Variants in CASZ1 observed in about 807,000 individuals in gnomAD.
The protein encoded by CASZ1 is castor zinc finger 1.
A neutral mutation model predicts 135.2 loss-of-function variants in CASZ1; 28 were observed. The ratio of observed to expected loss-of-function variants is 0.21; its 90% CI spans 0.15 to 0.28. The LOEUF (loss-of-function observed/expected upper bound fraction) is 0.28. CASZ1 is among the 10% of genes least tolerant of loss of function. The pLI is 1.00. For synonymous variants in CASZ1, 1,068 were observed against 1,073.4 expected (o/e 0.99, Z 0.10); for missense variants, 2,161 against 2,453.3 (o/e 0.88, Z 2.52).
chr1:10,701,991 C>T lies in CASZ1; in HGVS notation c.-24+3501G>A, dbSNP rs140464495. Among the ~76,000 whole-genome samples, 565 of 152,366 alleles carry T rather than the reference C, an allele frequency of 3.7e-3. 4 individuals carry two copies. Among genetic ancestry groups the T allele is most frequent in the African/African-American group, 0.013 (547 of 41,592 alleles). ...GCTTCCGGCCCCGCTGCCTGGGCGG[C>T]GTCTGTCTTCCTTTGCGGACAGCAG... On this transcript the variant is annotated intron_variant, in intron 3 of 20. Transcript: ENST00000377022. This position sits in a 1 kb window ranked among gnomAD's most constrained non-coding sequence, Gnocchi z 6.3.
rs189855662 is a variant in CASZ1, at chr1:10,672,793, T to C, written c.17-7222A>G. Among the ~76,000 whole-genome samples, 370 of 152,300 alleles carry C rather than the reference T, an allele frequency of 2.4e-3. 2 individuals are homozygous for C. Among genetic ancestry groups the C allele is most frequent in the African/African-American group, 8.3e-3 (345 of 41,566 alleles). ...ACTCCCCACTCCAGTCTCCAGGATG[T>C]GTGGGTGACATTCCACGCCTGCGAG... On this transcript the variant is annotated intron_variant, in intron 4 of 20. Coordinates refer to ENST00000377022, the MANE Select transcript of CASZ1 (RefSeq NM_001079843.3).
intron 1 of CASZ1, among the ~76,000 whole-genome samples, chr1:10,790,161 C>G (rs910100166): frequency 6.6e-6 from 1 of 152,168 alleles, no homozygotes; most frequent in Non-Finnish European, 1.5e-5. Context: ...TGACTTCTGG[C>G]CATCTGGGAC....
chr1:10,648,167 T>C (rs1642435110), intron 15 of CASZ1, 28 bp from the exon 16 acceptor site: 1 of 1,438,300 alleles, frequency 7.0e-7, no homozygotes, highest in South Asian at 1.4e-5. Flanking sequence ...GGGGGTCTCA[T>C]GGGGGGCAGT....
At position 10,660,089 on chromosome 1, in the gene CASZ1, T is replaced by C; in HGVS notation, c.953A>G (p.Lys318Arg). The C allele has an allele frequency of 6.2e-7, 1 of 1,614,086 alleles. No homozygotes were observed. Among genetic ancestry groups the C allele is most frequent in the Non-Finnish European group, 8.5e-7 (1 of 1,179,994 alleles). The stretch of plus-strand genomic sequence containing the variant: ...CCGCAGATTCTCGCCGGTCTTCAGT[T>C]TTTGGATGAAGAAGTCGTACTTGGA... ...RASKYDFFIQ[K>R]LKTGENLRPQ... is the part of the protein sequence containing the mutation. Residue 318 changes from lysine (K) to arginine (R), a missense_variant, in exon 6 of 21, where the codon AAA becomes AGA. Coordinates refer to ENST00000377022, the MANE Select transcript of CASZ1 (RefSeq NM_001079843.3).
chr1:10,784,539 C>T (rs913637645), intron 1 of CASZ1, among the ~76,000 whole-genome samples: 1 of 152,170 alleles, frequency 6.6e-6, no homozygotes, highest in Non-Finnish European at 1.5e-5. Flanking sequence ...CTCCCTACCT[C>T]CCAGCCCAAG....
rs555913443 is a variant in CASZ1, at chr1:10,667,857, C to A, written c.17-2286G>T. Among the ~76,000 whole-genome samples, 256 of 151,834 alleles carry A rather than the reference C, an allele frequency of 1.7e-3. 2 individuals carry two copies. Among genetic ancestry groups the A allele is most frequent in the African/African-American group, 5.8e-3 (239 of 41,400 alleles). ...GCACTTTGGCCCACCCAGCCCAGCC[C>A]ACCTTCTCCCCATCTCGGCTGTGTG... On this transcript the variant is annotated intron_variant, in intron 4 of 20. Coordinates refer to ENST00000377022, the MANE Select transcript of CASZ1 (RefSeq NM_001079843.3).
intron 1 of CASZ1, among the ~76,000 whole-genome samples, chr1:10,784,253 G>C (rs1003576271): frequency 6.6e-6 from 1 of 152,126 alleles, no homozygotes; most frequent in Admixed American, 6.5e-5. Context: ...GTGTGCCCCC[G>C]CCCTCCATCT....
rs202090566 is a variant in CASZ1, at chr1:10,648,069, C to T, written c.3229G>A (p.Glu1077Lys). Residue 1077 changes from glutamate to lysine, a missense_variant, in exon 16 of 21, where the codon GAG (glutamate) becomes AAG (lysine). Physicochemically the swap from Glu to Lys is moderately conservative, Grantham distance 56. This residue lies in a region of CASZ1 where 349 missense variants were observed against 460.8 expected (regional missense o/e 0.76). Coordinates refer to ENST00000377022, the MANE Select transcript of CASZ1 (RefSeq NM_001079843.3). ...GAGGGGGCCATGGGAGGTTTGGTCT[C>T]GGCGGCCGAGGCCGGAAAGGCAGCC... is the stretch of plus-strand genomic sequence containing the variant. ...TEAAFPASAA[E>K]TKPPMAPSSP... 1.3e-5 allele frequency: 21 copies of T among 1,591,304 alleles called. No homozygotes were observed. The East Asian group carries it at 2.9e-4, about 22-fold the overall frequency.
chr1:10,637,001 T>C lies in CASZ1; in HGVS notation c.*1941A>G, dbSNP rs367556741. 2 of 152,322 alleles carry C rather than the reference T, an allele frequency of 1.3e-5. No individual in the cohort carries two copies. The highest frequency in any genetic ancestry group is 3.4e-3 in the Middle Eastern group (1 of 294). The allele number at this position is 152,322 out of a possible 1,614,324, so 9.4% of individuals were successfully genotyped here. A position where few individuals can be genotyped will look rare whatever the true frequency, so the allele number is the denominator to read the frequency against. On this transcript the variant is annotated 3_prime_UTR_variant, in exon 21 of 21. Coordinates refer to ENST00000377022, the MANE Select transcript of CASZ1 (RefSeq NM_001079843.3). ...GCATTGTTTCCCCACAGAAAGAAAA[T>C]AAAACAAAAATTACACGTTAAAATT...
At chr1:10,731,587 A>T (rs1639703142) in intron 2 of CASZ1, among the ~76,000 whole-genome samples, 1 of 152,188 alleles carries the variant, frequency 6.6e-6, no homozygotes, top group Non-Finnish European at 1.5e-5. Flanking sequence ...CTGACTTAAA[A>T]ACAGAAACAA....
intron 2 of CASZ1, among the ~76,000 whole-genome samples, chr1:10,742,022 T>C (rs1047950116): frequency 6.6e-6 from 1 of 151,914 alleles, no homozygotes; most frequent in African/African-American, 2.4e-5. Flanking sequence ...CCACGGCTGC[T>C]CGGTGGTTCC....
At chr1:10,705,977 C>G (rs1230426989) in intron 2 of CASZ1, among the ~76,000 whole-genome samples, 2 of 152,242 alleles carry the variant, frequency 1.3e-5, no homozygotes, top group Non-Finnish European at 2.9e-5. Context: ...TGCTCCTTTA[C>G]TCTCTTCCCC....
chr1:10,652,060 T>G (rs560204251), intron 11 of CASZ1: 1 of 152,354 alleles, frequency 6.6e-6, no homozygotes, highest in East Asian at 1.9e-4. Flanking sequence ...AGCGTCCTAT[T>G]GGGCCTGTGA....
In CASZ1 at chr1:10,639,009, G is replaced by C. The variant is rs184511437; in HGVS notation, c.5213C>G (p.Pro1738Arg). 45,948 of 991,076 alleles carry C rather than the reference G, an allele frequency of 0.046. 1,578 individuals carry two copies. The highest frequency in any genetic ancestry group is 0.15 in the African/African-American group (8,512 of 56,652). 61.4% of individuals were successfully genotyped at this position (991,076 alleles called of 1,614,324 possible). Residue 1738 changes from proline (P) to arginine (R), a missense_variant, in exon 21 of 21, where the codon CCG (proline) becomes CGG (arginine). By Grantham distance (103) the Pro-to-Arg change is moderately radical. Transcript: ENST00000377022. This position sits in a 1 kb window ranked among gnomAD's most constrained non-coding sequence, Gnocchi z 4.0. ...CAGGGCCGCCAGCGCCGCCAAGGCCGGGGTCCGCGCGCCCGCGCCCGCCGC... is the reference window on the plus strand; with the variant it reads ...CAGGGCCGCCAGCGCCGCCAAGGCCCGGGTCCGCGCGCCCGCGCCCGCCGC... Reference protein sequence around the residue: ...AEAAGAGARTPALAALAALGA... With the variant: ...AEAAGAGARTRALAALAALGA...
chr1:10,647,707 C>T lies in CASZ1; in HGVS notation c.3497+94G>A, dbSNP rs958955993. 1.3e-5 allele frequency: 21 copies of T among 1,574,582 alleles called. No individual in the cohort carries two copies. The highest frequency in any genetic ancestry group is 9.2e-5 in the South Asian group (8 of 87,230). On this transcript the variant is annotated intron_variant, in intron 16 of 20. Coordinates refer to ENST00000377022, the MANE Select transcript of CASZ1 (RefSeq NM_001079843.3). This position sits in a 1 kb window ranked among gnomAD's most constrained non-coding sequence, Gnocchi z 4.9. ...AGAGGCTGGGGACAGCAGCACCATC[C>T]GCAGTGAGGAACAGGGCCTCCTAGC...
At chr1:10,748,328 C>A (rs1048855344) in intron 2 of CASZ1, among the ~76,000 whole-genome samples, 3 of 152,164 alleles carry the variant, frequency 2.0e-5, no homozygotes, top group Non-Finnish European at 2.9e-5. Context: ...GTGTTCTTCA[C>A]CCATTTCCTT....
chr1:10,648,536 GA>G, intron 15 of CASZ1: 1 of 217,280 alleles, frequency 4.6e-6, no homozygotes, highest in Non-Finnish European at 9.2e-6. Flanking sequence ...TACGCGGTCG[GA>G]AAAGCCTTGG....
intron 1 of CASZ1, among the ~76,000 whole-genome samples, chr1:10,783,441 C>G (rs1430554433): frequency 6.6e-6 from 1 of 151,484 alleles, no homozygotes; most frequent in Non-Finnish European, 1.5e-5. Context: ...CAAATTAGGT[C>G]TCCAGAAGGA....
rs1642051291 is a variant in CASZ1 at position 10,637,967 on chromosome 1, A to T, written c.*975T>A. 6.6e-6 allele frequency: 1 copy of T among 152,420 alleles called. No homozygotes were observed. Among genetic ancestry groups the T allele is most frequent in the Non-Finnish European group, 1.5e-5 (1 of 68,044 alleles). The allele number at this position is 152,420 out of a possible 1,614,324, so 9.4% of individuals were successfully genotyped here. A position where few individuals can be genotyped will look rare whatever the true frequency, so the allele number is the denominator to read the frequency against. On this transcript the variant is annotated 3_prime_UTR_variant, in exon 21 of 21. Transcript: ENST00000377022. ...TAAGAGTTGGAATCACGCAGCTCCC[A>T]TCAGTGCTATTGTGAAGACAGACAG...
Sources: gnomAD v4.1 joint callset for allele counts (sites outside exome capture counted in the v4.1 genomes callset) on GRCh38, gnomAD v4.1.1 for gene constraint, gnomAD v4.1.1 regional missense constraint, Gnocchi (gnomAD v3.1) non-coding constraint, MANE v1.5 for transcripts, NCBI Gene and HGNC (gene_info 2026-07-23, HGNC 2026-07-21) for gene names.